The following RBFOX2 variants were observed in gnomAD, a reference collection of about 807,000 sequenced individuals.
RBFOX2 encodes the protein RNA binding protein fox-1 homolog 2.
A neutral mutation model predicts 49.1 loss-of-function variants in RBFOX2; 10 were observed. The ratio of observed to expected loss-of-function variants is 0.20; its 90% CI spans 0.13 to 0.35. The LOEUF is 0.35. Among genes scored for constraint, RBFOX2 ranks in the 10% least tolerant of loss-of-function variants. The pLI, the probability that RBFOX2 is intolerant of heterozygous loss-of-function variation, is 1.00. For synonymous variants in RBFOX2, 183 were observed against 187.4 expected, an observed-to-expected ratio of 0.98 and a Z score of 0.19; for missense variants, 323 against 486.9, an observed-to-expected ratio of 0.66 and a Z score of 3.17.
chr22:35,945,603 G>A (rs1479414994), intron 1 of RBFOX2, among the ~76,000 whole-genome samples: 1 of 152,102 alleles, frequency 6.6e-6, no homozygotes. Context: ...ACTACACCCG[G>A]CTAATTTTGT....
At chr22:35,897,153 G>C (rs967517699) in intron 1 of RBFOX2, 1 of 537,616 alleles carries the variant, frequency 1.9e-6, no homozygotes, top group Middle Eastern at 3.8e-4. Flanking sequence ...TTTTAATGGT[G>C]GGATCTTATT....
At chr22:35,963,297 G>C (rs957776001), upstream of RBFOX2, among the ~76,000 whole-genome samples, 5 of 152,170 alleles carry the variant, frequency 3.3e-5, no homozygotes, top group African/African-American at 7.2e-5. Flanking sequence ...CGGGGTGGGG[G>C]ACAATATGAT....
chr22:35,961,337 A>G (rs2056182807), intron 1 of RBFOX2, among the ~76,000 whole-genome samples: 1 of 152,220 alleles, frequency 6.6e-6, no homozygotes, highest in Non-Finnish European at 1.5e-5. Context: ...CTACATCTAG[A>G]TGAGCTCCTT....
intron 1 of RBFOX2, chr22:35,992,526 A>T (rs1004505916): frequency 6.6e-6 from 1 of 152,144 alleles, no homozygotes; most frequent in Admixed American, 6.5e-5. Flanking sequence ...GCTTACTAAA[A>T]CACCAGAAAA....
chr22:35,742,508 A>G (rs1930454310), exon 12 of RBFOX2: 1 of 152,662 alleles, frequency 6.6e-6, no homozygotes, highest in African/African-American at 2.4e-5. Flanking sequence ...AAACAAACCC[A>G]TAACCAGAAG....
At chr22:35,881,320 A>T (rs1416691399) in intron 1 of RBFOX2, among the ~76,000 whole-genome samples, 2 of 151,916 alleles carry the variant, frequency 1.3e-5, no homozygotes, top group Non-Finnish European at 2.9e-5. Context: ...TCACGCCTAT[A>T]ATCTCAGCAC....
At chr22:35,878,887 C>A (rs1379597873) in intron 1 of RBFOX2, among the ~76,000 whole-genome samples, 1 of 152,128 alleles carries the variant, frequency 6.6e-6, no homozygotes, top group Non-Finnish European at 1.5e-5. Flanking sequence ...CCCGCCACCA[C>A]ACCCGGCTAA....
At chr22:35,981,674 A>T (rs541794160) in intron 1 of RBFOX2, among the ~76,000 whole-genome samples, 2 of 152,172 alleles carry the variant, frequency 1.3e-5, no homozygotes, top group South Asian at 2.1e-4. Flanking sequence ...TTAAAAATTT[A>T]AAAATATAAG....
At chr22:36,007,911 CTTATT>C (rs2058678733) in intron 1 of RBFOX2, among the ~76,000 whole-genome samples, 1 of 151,836 alleles carries the variant, frequency 6.6e-6, no homozygotes, top group Non-Finnish European at 1.5e-5. Flanking sequence ...AAGAATGTAC[CTTATT>C]TTATTTAGCA....
At chr22:35,873,396 G>C (rs1013975020) in intron 1 of RBFOX2, among the ~76,000 whole-genome samples, 1 of 152,102 alleles carries the variant, frequency 6.6e-6, no homozygotes, top group African/African-American at 2.4e-5. Flanking sequence ...AAAGTGCTGA[G>C]ATTACAGGCC....
rs866923543 is a variant in RBFOX2 at position 36,016,971 on chromosome 22, T to C, written c.186+11269A>G. Among the ~76,000 whole-genome samples, 23 of 152,318 alleles carry C rather than the reference T, an allele frequency of 1.5e-4. No individual in the cohort carries two copies. The South Asian group carries it at 2.1e-3, about 14-fold the overall frequency. ...AGAGGCACTATGAAGTACAATCATT[T>C]GCAGCTAAAGAGGTCCCTACTAAAC... On this transcript the variant is annotated intron_variant, in intron 1 of 13. Coordinates refer to the RBFOX2 transcript ENST00000438146.
chr22:35,759,068 G>A lies in RBFOX2; in HGVS notation c.887+820C>T, dbSNP rs1343483340. Among the ~76,000 whole-genome samples, 1 of 152,146 alleles carries A rather than the reference G, an allele frequency of 6.6e-6. No individual in the cohort carries two copies. The highest frequency in any genetic ancestry group is 1.5e-5 in the Non-Finnish European group (1 of 68,020). ...TGATGAGGAAGTCCTTGGTACAACT[G>A]ACTCATGAAAGACCACTCTATAAAA... On this transcript the variant is annotated intron_variant, in intron 9 of 11. Coordinates refer to ENST00000405409, the Ensembl canonical transcript of RBFOX2. This position sits in a 1 kb window ranked among gnomAD's most constrained non-coding sequence, Gnocchi z 4.6.
intron 1 of RBFOX2, among the ~76,000 whole-genome samples, chr22:35,970,560 CTG>C (rs1054996311): frequency 2.6e-5 from 4 of 151,858 alleles, no homozygotes; most frequent in Non-Finnish European, 5.9e-5. Context: ...ACTTTGGAGA[CTG>C]AGGTAGGAGG....
chr22:35,865,069 G>C (rs974084101), intron 1 of RBFOX2, among the ~76,000 whole-genome samples: 2 of 152,142 alleles, frequency 1.3e-5, no homozygotes, highest in African/African-American at 4.8e-5. Flanking sequence ...TGAGAAAACT[G>C]ATCTTCTCTT....
At chr22:35,769,508 T>C (rs1268286464) in intron 4 of RBFOX2, among the ~76,000 whole-genome samples, 3 of 152,184 alleles carry the variant, frequency 2.0e-5, no homozygotes, top group African/African-American at 7.2e-5. Flanking sequence ...TTCTAGGTGC[T>C]CTGTCCTTAT....
intron 1 of RBFOX2, among the ~76,000 whole-genome samples, chr22:35,823,789 T>A (rs977188075): frequency 1.3e-5 from 2 of 152,242 alleles, no homozygotes; most frequent in African/African-American, 4.8e-5. Flanking sequence ...ACTGCCTGTA[T>A]ACTTATGCTT....
exon 1 of RBFOX2, among the ~76,000 whole-genome samples, chr22:36,028,683 T>C (rs2146649487): frequency 6.7e-6 from 1 of 148,872 alleles, no homozygotes; most frequent in Admixed American, 6.6e-5. Context: ...GAGCACTCGC[T>C]CGCGCCCCCG....
intron 2 of RBFOX2, among the ~76,000 whole-genome samples, chr22:35,782,370 C>T (rs146451220): frequency 7.2e-5 from 11 of 152,052 alleles, no homozygotes; most frequent in Admixed American, 3.9e-4. Context: ...CGCCCAGGCT[C>T]GAGTGCAGTG....
intron 1 of RBFOX2, among the ~76,000 whole-genome samples, chr22:35,968,723 T>C (rs1206987746): frequency 6.6e-6 from 1 of 152,210 alleles, no homozygotes; most frequent in East Asian, 1.9e-4. Context: ...TATGGTCCCA[T>C]AGTGCTAGGC....
Sources: gnomAD v4.1 joint callset for allele counts (sites outside exome capture counted in the v4.1 genomes callset) on GRCh38, gnomAD v4.1.1 for gene constraint, Gnocchi (gnomAD v3.1) non-coding constraint, MANE v1.5 for transcripts, NCBI Gene and HGNC (gene_info 2026-07-23, HGNC 2026-07-21) for gene names.